The following ZNF385D variants were observed in gnomAD, a reference collection of about 807,000 sequenced individuals.
ZNF385D encodes the protein zinc finger protein 659.
In ZNF385D, 15 loss-of-function variants were observed where a neutral mutation model predicts 35.8. The observed-to-expected ratio is 0.42, with a 90% CI of 0.28 to 0.64. The LOEUF (loss-of-function observed/expected upper bound fraction) is 0.64. ZNF385D is among the 30% of genes least tolerant of loss of function. ZNF385D has a pLI of 0.23. For missense variants in ZNF385D, 474 were observed against 494.6 expected (o/e 0.96, Z 0.39); for synonymous variants, 212 against 186.8 (o/e 1.13, Z -1.10).
At chr3:21,617,121 C>T (rs142278055) in intron 2 of ZNF385D, among the ~76,000 whole-genome samples, 133 of 152,266 alleles carry the variant, frequency 8.7e-4, no homozygotes, top group African/African-American at 3.2e-3. Context: ...TCTACATTTA[C>T]AAGCCTTAAT....
At chr3:21,429,847 T>C (rs974989983) in intron 5 of ZNF385D, among the ~76,000 whole-genome samples, 11 of 152,262 alleles carry the variant, frequency 7.2e-5, no homozygotes, top group Admixed American at 5.9e-4. Context: ...TACCATCATA[T>C]TGACAAGTTC....
At chr3:21,612,116 TAGCCC>T (rs1304154313) in intron 2 of ZNF385D, among the ~76,000 whole-genome samples, 1 of 152,168 alleles carries the variant, frequency 6.6e-6, no homozygotes. Flanking sequence ...TGTCGCTCTG[TAGCCC>T]AGCCTGGAGT....
chr3:21,855,134 C>A (rs1382534182), intron 3 of ZNF385D, among the ~76,000 whole-genome samples: 1 of 151,974 alleles, frequency 6.6e-6, no homozygotes, highest in East Asian at 1.9e-4. Flanking sequence ...TACTACTCCC[C>A]ACACCCATTC....
intron 3 of ZNF385D, among the ~76,000 whole-genome samples, chr3:21,880,119 C>A (rs1389503395): frequency 6.6e-6 from 1 of 151,746 alleles, no homozygotes; most frequent in Non-Finnish European, 1.5e-5. Context: ...CTACCTTGGC[C>A]TTTTTTAAAG....
At chr3:22,246,193 T>C (rs1341826874) in intron 2 of ZNF385D, among the ~76,000 whole-genome samples, 1 of 152,212 alleles carries the variant, frequency 6.6e-6, no homozygotes, top group Non-Finnish European at 1.5e-5. Context: ...ACTTTTCTTT[T>C]CAAACATAAC....
At chr3:22,204,509 A>G (rs1697016716) in intron 2 of ZNF385D, among the ~76,000 whole-genome samples, 1 of 152,024 alleles carries the variant, frequency 6.6e-6, no homozygotes, top group Non-Finnish European at 1.5e-5. Context: ...CCCCATACAA[A>G]CTAAGTAAGA....
chr3:22,339,093 A>G (rs1007192540), intron 2 of ZNF385D, among the ~76,000 whole-genome samples: 1 of 152,230 alleles, frequency 6.6e-6, no homozygotes, highest in Non-Finnish European at 1.5e-5. Context: ...GCATACACAC[A>G]TACATGCACA....
In ZNF385D at chr3:21,608,012, C is replaced by CTTCTT. The variant is rs2064536095; in HGVS notation, c.166-43329_166-43328insAAGAA. Among the ~76,000 whole-genome samples the CTTCTT allele has an allele frequency of 1.5e-4, 18 of 123,954 alleles. 1 individual carries two copies. Among genetic ancestry groups the CTTCTT allele is most frequent in the African/African-American group, 5.3e-4 (17 of 31,944 alleles). 81.3% of individuals were successfully genotyped at this position (123,954 alleles called of 152,430 possible). ...ATGAAAAGATGTAATTCTTTTTCTT[C>CTTCTT]TTTTTTTTTTGTTTTTTTTTTTTGA... On this transcript the variant is annotated intron_variant, in intron 2 of 7. Coordinates refer to ENST00000281523, the MANE Select transcript of ZNF385D (RefSeq NM_024697.3).
chr3:21,795,794 G>A (rs2072123157), intron 3 of ZNF385D, among the ~76,000 whole-genome samples: 1 of 152,154 alleles, frequency 6.6e-6, no homozygotes, highest in African/African-American at 2.4e-5. Context: ...CAGATTATAG[G>A]CACTCAGTAT....
At chr3:22,030,299 A>ATATATATATATATATC (rs1553591392) in intron 3 of ZNF385D, among the ~76,000 whole-genome samples, 4 of 114,742 alleles carry the variant, frequency 3.5e-5, no homozygotes, top group Non-Finnish European at 5.5e-5. Context: ...ATATATATAT[A>ATATATATATATATATC]TATCCTATTT....
At chr3:22,135,744 C>T (rs1188770972) in intron 3 of ZNF385D, among the ~76,000 whole-genome samples, 1 of 152,136 alleles carries the variant, frequency 6.6e-6, no homozygotes, top group African/African-American at 2.4e-5. Flanking sequence ...TATAGAACTA[C>T]AGTAATTGGC....
chr3:21,433,111 A>T (rs538645853), intron 5 of ZNF385D, among the ~76,000 whole-genome samples: 1 of 152,292 alleles, frequency 6.6e-6, no homozygotes, highest in Admixed American at 6.5e-5. Context: ...AGGTCCATAT[A>T]GAAATGTTCT....
intron 1 of ZNF385D, among the ~76,000 whole-genome samples, chr3:21,701,904 C>A (rs762068373): frequency 2.0e-5 from 3 of 152,188 alleles, no homozygotes; most frequent in Non-Finnish European, 4.4e-5. Context: ...TGGTCTTGAG[C>A]AGCCCCGTCT....
rs112825632 is a variant in ZNF385D at position 21,882,451 on chromosome 3, T to C, written c.326-217423A>G. ...CATTGTTGTTTTATACATGATGCTA[T>C]TGCAAACTTAATAGACTATAGTACA... On this transcript the variant is annotated intron_variant, in intron 3 of 5. Transcript: ENST00000494108. Among the ~76,000 whole-genome samples the C allele has an allele frequency of 6.1e-3, 923 of 152,140 alleles. 7 individuals are homozygous for C. The highest frequency in any genetic ancestry group is 0.021 in the African/African-American group (880 of 41,542).
chr3:22,314,935 A>G (rs1703802239), intron 2 of ZNF385D, among the ~76,000 whole-genome samples: 1 of 152,168 alleles, frequency 6.6e-6, no homozygotes, highest in Non-Finnish European at 1.5e-5. Context: ...TCAAGGGGAA[A>G]ATGAATGGAT....
At chr3:22,370,978 A>G (rs1330646578) in intron 2 of ZNF385D, among the ~76,000 whole-genome samples, 2 of 152,214 alleles carry the variant, frequency 1.3e-5, no homozygotes, top group Non-Finnish European at 2.9e-5. Context: ...ACATTAACTC[A>G]AGATGTTTGC....
At chr3:22,222,933 C>A (rs559120673) in intron 2 of ZNF385D, among the ~76,000 whole-genome samples, 1 of 152,006 alleles carries the variant, frequency 6.6e-6, no homozygotes, top group African/African-American at 2.4e-5. Context: ...TATTGATATT[C>A]AGTTTTTGTG....
chr3:21,893,688 T>C lies in ZNF385D; in HGVS notation c.326-228660A>G, dbSNP rs935239502. 9.9e-5 allele frequency among the ~76,000 whole-genome samples: 15 copies of C among 152,278 alleles called. No individual in the cohort carries two copies. In the South Asian group the frequency reaches 2.9e-3, roughly 29 times the overall value. ...CAACAGTATTCTGAAGGTTGAAAGTTGCATGGAAATTGAGAATTGGCAACA... is the reference window on the plus strand; with the variant it reads ...CAACAGTATTCTGAAGGTTGAAAGTCGCATGGAAATTGAGAATTGGCAACA... On this transcript the variant is annotated intron_variant, in intron 3 of 5. Transcript: ENST00000494108.
At chr3:21,523,830 G>A (rs1708061268) in intron 3 of ZNF385D, among the ~76,000 whole-genome samples, 1 of 152,024 alleles carries the variant, frequency 6.6e-6, no homozygotes, top group South Asian at 2.1e-4. Flanking sequence ...CATCACTCTG[G>A]CAGGGGCAGG....
Sources: gnomAD v4.1 joint callset for allele counts (sites outside exome capture counted in the v4.1 genomes callset) on GRCh38, gnomAD v4.1.1 for gene constraint, MANE v1.5 for transcripts, NCBI Gene and HGNC (gene_info 2026-07-23, HGNC 2026-07-21) for gene names.